The following NDRG1 variants were observed in gnomAD, a reference collection of about 807,000 sequenced individuals.
NDRG1 encodes the protein N-myc downstream regulated 1, also known as protein NDRG1.
A neutral mutation model predicts 56.9 loss-of-function variants in NDRG1; 32 were observed. The ratio of observed to expected loss-of-function variants is 0.56; its 90% CI spans 0.42 to 0.76. The LOEUF is 0.76. NDRG1 is among the 30% of genes least tolerant of loss of function. NDRG1 has a pLI of 0.00. For synonymous variants in NDRG1, 211 were observed against 204.1 expected (o/e 1.03, Z -0.29); for missense variants, 507 against 545.7 (o/e 0.93, Z 0.71).
intron 1 of NDRG1, among the ~76,000 whole-genome samples, chr8:133,296,127 G>A (rs1340022800): frequency 6.6e-6 from 1 of 152,164 alleles, no homozygotes; most frequent in Non-Finnish European, 1.5e-5. Flanking sequence ...CATTCCCCAA[G>A]CCCAGCCCGA....
At chr8:133,269,373 A>G (rs1035367264) in intron 3 of NDRG1, among the ~76,000 whole-genome samples, 3 of 152,146 alleles carry the variant, frequency 2.0e-5, no homozygotes, top group Admixed American at 6.5e-5. Flanking sequence ...GGCTGCACAC[A>G]CTTTCCTCTC....
At chr8:133,245,097 C>G (rs904089313) in intron 13 of NDRG1, among the ~76,000 whole-genome samples, 3 of 152,180 alleles carry the variant, frequency 2.0e-5, no homozygotes, top group Non-Finnish European at 4.4e-5. Flanking sequence ...GGACCCCCAA[C>G]ACTAGCCACA....
chr8:133,237,921 C>T lies in NDRG1; in HGVS notation c.*957G>A, dbSNP rs868286576. The T allele has an allele frequency of 7.3e-5, 17 of 233,196 alleles. No individual in the cohort carries two copies. Among genetic ancestry groups the T allele is most frequent in the South Asian group, 1.8e-4 (1 of 5,518 alleles). 14.4% of individuals were successfully genotyped at this position (233,196 alleles called of 1,614,324 possible). On this transcript the variant is annotated 3_prime_UTR_variant, in exon 16 of 16. Coordinates refer to ENST00000323851, the MANE Select transcript of NDRG1 (RefSeq NM_006096.4). Reference sequence around the variant, plus strand: ...CCCTTACATCGAGTAACCCCAATTCCACCCCCACCCCAGTGCTCCTACTCC... The same window carrying T: ...CCCTTACATCGAGTAACCCCAATTCTACCCCCACCCCAGTGCTCCTACTCC...
chr8:133,251,626 T>C (rs569121954), intron 9 of NDRG1, among the ~76,000 whole-genome samples: 1 of 152,258 alleles, frequency 6.6e-6, no homozygotes, highest in South Asian at 2.1e-4. Context: ...CAGTTTCAGA[T>C]TACACACTCA....
In NDRG1 at chr8:133,262,029, G is replaced by C. The variant is rs1054917996; in HGVS notation, c.326+18C>G. On this transcript the variant is annotated intron_variant, in intron 5 of 15. Transcript: ENST00000323851. The stretch of plus-strand genomic sequence containing the variant: ...CAGTTTCCACCCTGTAGAGCTCATA[G>C]GGCAAGAGGCCTCTCACCCTGCGGG... 1.2e-6 allele frequency: 2 copies of C among 1,604,368 alleles called. No individual in the cohort carries two copies. The highest frequency in any genetic ancestry group is 2.2e-5 in the East Asian group (1 of 44,770).
rs1308563101 is a variant in NDRG1 at position 133,239,008 on chromosome 8, C to A, written c.1055G>T (p.Ser352Ile). 1.3e-6 allele frequency: 2 copies of A among 1,596,718 alleles called. No homozygotes were observed. The highest frequency in any genetic ancestry group is 2.7e-5 in the African/African-American group (2 of 74,482). Residue 352 changes from serine (S) to isoleucine (I), a missense_variant, in exon 16 of 16, where the codon AGC becomes ATC. Transcript: ENST00000323851. Reference protein sequence around the residue: ...SRSHTSEGTRSRSHTSEGTRS... With the variant: ...SRSHTSEGTRIRSHTSEGTRS... ...GGTGCCCTCGCTGGTGTGGGAGCGG[C>A]TTCGGGTGCCCTCGCTGGTGTGGGA...
At chr8:133,260,474 T>C (rs776261651) in intron 5 of NDRG1, among the ~76,000 whole-genome samples, 3 of 152,154 alleles carry the variant, frequency 2.0e-5, no homozygotes, top group Non-Finnish European at 2.9e-5. Context: ...GAAAATGCGC[T>C]GTAATACCCA....
intron 3 of NDRG1, among the ~76,000 whole-genome samples, chr8:133,271,473 A>G (rs968191416): frequency 2.6e-5 from 4 of 152,166 alleles, no homozygotes; most frequent in Non-Finnish European, 4.4e-5. Flanking sequence ...GCCTATGCCC[A>G]TGGAGGAGGA....
At chr8:133,293,800 G>A (rs1016352333) in intron 1 of NDRG1, among the ~76,000 whole-genome samples, 1 of 152,140 alleles carries the variant, frequency 6.6e-6, no homozygotes, top group East Asian at 1.9e-4. Flanking sequence ...GCAGGAGACC[G>A]GGCCTGGAAA....
intron 3 of NDRG1, among the ~76,000 whole-genome samples, chr8:133,275,534 C>T (rs1857410146): frequency 6.6e-6 from 1 of 152,164 alleles, no homozygotes. Flanking sequence ...ATCTTTTAGA[C>T]TTCAGTGCAA....
At chr8:133,242,182 GA>G in intron 14 of NDRG1, 108 bp from the exon 15 acceptor site, 1 of 1,139,060 alleles carries the variant, frequency 8.8e-7, no homozygotes, top group Non-Finnish European at 1.3e-6. Context: ...TTTGGCTCAA[GA>G]CAAAAGCCAT....
intron 2 of NDRG1, chr8:133,280,828 G>A (rs1469067066): frequency 1.3e-5 from 2 of 156,010 alleles, no homozygotes; most frequent in Non-Finnish European, 2.8e-5. Context: ...TAGATAAAAA[G>A]CTGAAGGTCT....
intron 1 of NDRG1, among the ~76,000 whole-genome samples, chr8:133,291,960 G>A (rs984543036): frequency 7.2e-5 from 11 of 152,198 alleles, no homozygotes; most frequent in Non-Finnish European, 1.2e-4. Context: ...GCAGGAAGAG[G>A]GAGGTGTCAG....
At chr8:133,277,146 T>C (rs1331549189) in intron 3 of NDRG1, among the ~76,000 whole-genome samples, 2 of 152,230 alleles carry the variant, frequency 1.3e-5, no homozygotes, top group Non-Finnish European at 2.9e-5. Flanking sequence ...TGACTGCACT[T>C]GTATGAGGTA....
chr8:133,279,791 C>T (rs1289391562), intron 3 of NDRG1, among the ~76,000 whole-genome samples: 2 of 152,364 alleles, frequency 1.3e-5, no homozygotes, highest in South Asian at 2.1e-4. Context: ...CTGGCCCACC[C>T]TGCAATCCTG....
chr8:133,267,866 G>GCA (rs1856997625), intron 3 of NDRG1, among the ~76,000 whole-genome samples: 1 of 152,190 alleles, frequency 6.6e-6, no homozygotes, highest in African/African-American at 2.4e-5. Flanking sequence ...GGAGCCCAGA[G>GCA]CACAGCACCA....
chr8:133,291,435 C>A (rs1858424063), intron 1 of NDRG1, among the ~76,000 whole-genome samples: 1 of 152,078 alleles, frequency 6.6e-6, no homozygotes, highest in South Asian at 2.1e-4. Flanking sequence ...ATTTCTTTGC[C>A]CAAAGAGATT....
At chr8:133,276,789 T>C (rs1188619592) in intron 3 of NDRG1, among the ~76,000 whole-genome samples, 5 of 152,214 alleles carry the variant, frequency 3.3e-5, no homozygotes, top group African/African-American at 1.2e-4. Context: ...GATATGTCCT[T>C]ATAGCAGCTT....
chr8:133,252,448 A>G (rs887344597), intron 9 of NDRG1, among the ~76,000 whole-genome samples: 4 of 152,212 alleles, frequency 2.6e-5, no homozygotes, highest in Admixed American at 6.5e-5. Context: ...CAGAAGCCAC[A>G]GGAAACCAAC....
Sources: gnomAD v4.1 joint callset for allele counts (sites outside exome capture counted in the v4.1 genomes callset) on GRCh38, gnomAD v4.1.1 for gene constraint, MANE v1.5 for transcripts, NCBI Gene and HGNC (gene_info 2026-07-23, HGNC 2026-07-21) for gene names.